The following CAMSAP1 variants were observed in gnomAD, a reference collection of about 807,000 sequenced individuals.
The protein encoded by CAMSAP1 is calmodulin regulated spectrin associated protein 1, also known as calmodulin-regulated spectrin-associated protein 1.
In CAMSAP1, 58 loss-of-function variants were observed where a neutral mutation model predicts 143.5. The ratio of observed to expected loss-of-function variants is 0.40; its 90% CI spans 0.33 to 0.50. The LOEUF (loss-of-function observed/expected upper bound fraction) is 0.50, where lower values mean the gene tolerates loss of function less well. CAMSAP1 is among the 20% of genes least tolerant of loss of function. The pLI, the probability that CAMSAP1 is intolerant of heterozygous loss-of-function variation, is 0.45. For synonymous variants in CAMSAP1, 945 were observed against 859.3 expected, an observed-to-expected ratio of 1.10 and a Z score of -1.74; for missense variants, 1,969 against 2,115.7, an observed-to-expected ratio of 0.93 and a Z score of 1.36.
rs1314786991 is a variant in CAMSAP1 at position 135,822,058 on chromosome 9, T to C, written c.2603A>G (p.Lys868Arg). Reference sequence around the variant, plus strand: ...AGATGCCAGGAGGCTGGCGGGATCCTTGCCATGCTGGCTCGGACTCTGCTC... The same window carrying C: ...AGATGCCAGGAGGCTGGCGGGATCCCTGCCATGCTGGCTCGGACTCTGCTC... ...KREQSPSQHG[K>R]DPASLLASEL... Residue 868 changes from lysine to arginine, a missense_variant, in exon 11 of 17, where the codon AAG (lysine) becomes AGG (arginine). Physicochemically the swap from Lys to Arg is conservative, Grantham distance 26. Coordinates refer to ENST00000389532, the MANE Select transcript of CAMSAP1 (RefSeq NM_015447.4). The surrounding 1 kb of genome is among the most constrained non-coding windows in gnomAD (Gnocchi z 6.1). 1.2e-6 allele frequency: 2 copies of C among 1,612,416 alleles called. No homozygotes were observed. Among genetic ancestry groups the C allele is most frequent in the Non-Finnish European group, 1.7e-6 (2 of 1,179,462 alleles).
In CAMSAP1 at chr9:135,827,315, T is replaced by C. The variant is rs141168762; in HGVS notation, c.1223+92A>G. On this transcript the variant is annotated intron_variant, in intron 8 of 16. Coordinates refer to ENST00000389532, the MANE Select transcript of CAMSAP1 (RefSeq NM_015447.4). ...CATAAGCGAATACAAATTGCTTATTTTAAAAAAGGTAACTTCAATTAATAT... is the reference window on the plus strand; with the variant it reads ...CATAAGCGAATACAAATTGCTTATTCTAAAAAAGGTAACTTCAATTAATAT... The C allele has an allele frequency of 4.2e-4, 531 of 1,268,928 alleles. 8 individuals carry two copies. The East Asian group carries it at 0.014, about 34-fold the overall frequency. 78.6% of individuals were successfully genotyped at this position (1,268,928 alleles called of 1,614,324 possible).
Position 135,820,671 on chromosome 9 carries a change from A to T in CAMSAP1, c.3822+168T>A, listed in dbSNP as rs1416811827. 6.6e-5 allele frequency among the ~76,000 whole-genome samples: 10 copies of T among 152,198 alleles called. No individual in the cohort carries two copies. The highest frequency in any genetic ancestry group is 2.4e-4 in the African/African-American group (10 of 41,464). The stretch of plus-strand genomic sequence containing the variant: ...CCCGGGACTGCTTCTGGCCAAGTGG[A>T]GTCCTCGGGACAGAGACTCTGTGGC... On this transcript the variant is annotated intron_variant, in intron 11 of 16. Coordinates refer to ENST00000389532, the MANE Select transcript of CAMSAP1 (RefSeq NM_015447.4). This position sits in a 1 kb window ranked among gnomAD's most constrained non-coding sequence, Gnocchi z 4.4.
At chr9:135,852,940 T>G (rs1404185400) in intron 5 of CAMSAP1, among the ~76,000 whole-genome samples, 5 of 152,186 alleles carry the variant, frequency 3.3e-5, no homozygotes, top group African/African-American at 1.2e-4. Flanking sequence ...AATGGAAAGA[T>G]GCACTGAGGC....
chr9:135,823,044 TTCCTCA>T lies in CAMSAP1; in HGVS notation c.1611_1616del (p.Asp537_Glu538del). ...CTCTAACAATAGCCACAAGCTCCTC[TTCCTCA>T]TCCTCAATACTGACATTGCTCAGGA... On this transcript the variant is annotated inframe_deletion, in exon 11 of 17. Coordinates refer to ENST00000389532, the MANE Select transcript of CAMSAP1 (RefSeq NM_015447.4). The T allele has an allele frequency of 6.2e-7, 1 of 1,613,994 alleles. No individual in the cohort carries two copies. Among genetic ancestry groups the T allele is most frequent in the Non-Finnish European group, 8.5e-7 (1 of 1,179,888 alleles).
intron 7 of CAMSAP1, among the ~76,000 whole-genome samples, chr9:135,845,733 G>A (rs1363925949): frequency 6.6e-6 from 1 of 152,138 alleles, no homozygotes; most frequent in African/African-American, 2.4e-5. Flanking sequence ...CAGATTAAGA[G>A]AGAGCCAAAT....
chr9:135,832,317 G>A (rs1472452753), intron 7 of CAMSAP1, among the ~76,000 whole-genome samples: 1 of 151,756 alleles, frequency 6.6e-6, no homozygotes, highest in Non-Finnish European at 1.5e-5. Flanking sequence ...AATACCACAT[G>A]ATCATCTCAA....
At chr9:135,876,102 C>T (rs1837739311) in intron 3 of CAMSAP1, among the ~76,000 whole-genome samples, 1 of 152,138 alleles carries the variant, frequency 6.6e-6, no homozygotes, top group Non-Finnish European at 1.5e-5. Flanking sequence ...ATTACAGGCG[C>T]CCGCCATCAC....
chr9:135,876,061 T>G (rs1200541475), intron 3 of CAMSAP1, among the ~76,000 whole-genome samples: 2 of 152,340 alleles, frequency 1.3e-5, no homozygotes, highest in Admixed American at 1.3e-4. Flanking sequence ...GTTCAAGTGA[T>G]TCTCCTGCCT....
chr9:135,876,404 A>C (rs890005400), intron 3 of CAMSAP1, among the ~76,000 whole-genome samples: 1 of 152,250 alleles, frequency 6.6e-6, no homozygotes, highest in Admixed American at 6.5e-5. Context: ...AACCCAGTTA[A>C]AAATTCGGCA....
chr9:135,822,158 T>C lies in CAMSAP1; in HGVS notation c.2503A>G (p.Ser835Gly), dbSNP rs1161196231. 1 of 1,613,686 alleles carries C rather than the reference T, an allele frequency of 6.2e-7. No individual in the cohort carries two copies. Among genetic ancestry groups the C allele is most frequent in the Non-Finnish European group, 8.5e-7 (1 of 1,179,892 alleles). The change falls in exon 11 of 17, where the codon AGC becomes GGC. Residue 835 changes from serine (S) to glycine (G), a missense_variant. Transcript: ENST00000389532. This position sits in a 1 kb window ranked among gnomAD's most constrained non-coding sequence, Gnocchi z 6.1. Reference protein sequence around the residue: ...LNSCETKSSTSSSQKTTPDAS... With the variant: ...LNSCETKSSTGSSQKTTPDAS... ...TCTGGCGTGGTCTTCTGGGAGCTGC[T>C]GGTGCTGGACTTGGTCTCACAGCTG...
chr9:135,884,296 G>C (rs1410079937), intron 1 of CAMSAP1, among the ~76,000 whole-genome samples: 2 of 152,086 alleles, frequency 1.3e-5, no homozygotes, highest in African/African-American at 2.4e-5. Context: ...TCCGAGCCAA[G>C]CTCTCCTAAG....
At chr9:135,859,452 G>C (rs1490971188) in intron 5 of CAMSAP1, among the ~76,000 whole-genome samples, 1 of 152,090 alleles carries the variant, frequency 6.6e-6, no homozygotes, top group Non-Finnish European at 1.5e-5. Flanking sequence ...GAGTGCAGTG[G>C]CACGATCTCG....
chr9:135,833,511 G>C (rs916889558), intron 7 of CAMSAP1, among the ~76,000 whole-genome samples: 4 of 151,890 alleles, frequency 2.6e-5, no homozygotes, highest in African/African-American at 4.9e-5. Flanking sequence ...CAGAATTGAG[G>C]TATACGGTTA....
At chr9:135,871,911 T>G (rs1837582590) in intron 3 of CAMSAP1, among the ~76,000 whole-genome samples, 1 of 152,142 alleles carries the variant, frequency 6.6e-6, no homozygotes. Context: ...GAGACCAGCC[T>G]AAGCAACATG....
At chr9:135,842,373 A>T (rs1373998221) in intron 7 of CAMSAP1, among the ~76,000 whole-genome samples, 1 of 152,258 alleles carries the variant, frequency 6.6e-6, no homozygotes, top group Non-Finnish European at 1.5e-5. Flanking sequence ...CCTACGTTTG[A>T]CTGATGTACC....
At position 135,902,612 on chromosome 9, in the gene CAMSAP1, G is replaced by A. The variant is rs182306928; in HGVS notation, c.160+4388C>T. Reference sequence around the variant, plus strand: ...GCTCATCATGTCAAGTTAGCAAACCGGAGTGTAAACTCTTCTTGTTGCCTA... The same window carrying A: ...GCTCATCATGTCAAGTTAGCAAACCAGAGTGTAAACTCTTCTTGTTGCCTA... On this transcript the variant is annotated intron_variant, in intron 1 of 16. Coordinates refer to ENST00000389532, the MANE Select transcript of CAMSAP1 (RefSeq NM_015447.4). Among the ~76,000 whole-genome samples, 510 of 152,298 alleles carry A rather than the reference G, an allele frequency of 3.3e-3. 3 individuals carry two copies. The highest frequency in any genetic ancestry group is 3.4e-3 in the Middle Eastern group (1 of 294).
At chr9:135,896,109 A>G (rs943723274) in intron 1 of CAMSAP1, among the ~76,000 whole-genome samples, 1 of 152,226 alleles carries the variant, frequency 6.6e-6, no homozygotes, top group East Asian at 1.9e-4. Context: ...ATCAAAAGAC[A>G]GACTGGTAGA....
At chr9:135,852,222 G>A (rs969932879) in intron 5 of CAMSAP1, among the ~76,000 whole-genome samples, 1 of 152,200 alleles carries the variant, frequency 6.6e-6, no homozygotes, top group Non-Finnish European at 1.5e-5. Flanking sequence ...CTGGATTGTG[G>A]TTACGAAAGG....
chr9:135,866,990 T>C (rs933146336), intron 3 of CAMSAP1, among the ~76,000 whole-genome samples: 6 of 152,222 alleles, frequency 3.9e-5, no homozygotes, highest in African/African-American at 1.2e-4. Flanking sequence ...AATCTAATTA[T>C]AAAAGTTTAA....
Sources: gnomAD v4.1 joint callset for allele counts (sites outside exome capture counted in the v4.1 genomes callset) on GRCh38, gnomAD v4.1.1 for gene constraint, Gnocchi (gnomAD v3.1) non-coding constraint, MANE v1.5 for transcripts, NCBI Gene and HGNC (gene_info 2026-07-23, HGNC 2026-07-21) for gene names.